ZNF93: variants seen among roughly 807,000 people sequenced by gnomAD.
The protein encoded by ZNF93 is zinc finger protein 93, also known as zinc finger protein 505.
ZNF93 carries 29 observed loss-of-function variants against 45.0 expected under a neutral mutation model. That is an observed-to-expected ratio of 0.64 (90% CI 0.48 to 0.88). ZNF93 has a LOEUF of 0.88. Ranked by LOEUF, ZNF93 falls within the 40% of genes least tolerant of loss-of-function variation. The pLI is 0.00. For missense variants in ZNF93, 578 were observed against 724.0 expected, an observed-to-expected ratio of 0.80 and a Z score of 2.31; for synonymous variants, 223 against 244.6, an observed-to-expected ratio of 0.91 and a Z score of 0.82.
intron 3 of ZNF93, 125 bp from the exon 4 acceptor site, chr19:19,933,057 C>T (rs1236088671): frequency 1.3e-6 from 1 of 755,130 alleles, no homozygotes; most frequent in Non-Finnish European, 1.9e-6. Flanking sequence ...GAAGACATTA[C>T]AGCTTGTGGT....
chr19:19,919,459 CT>C (rs2063336143), intron 3 of ZNF93, among the ~76,000 whole-genome samples: 1 of 148,132 alleles, frequency 6.8e-6, no homozygotes, highest in Non-Finnish European at 1.5e-5. Flanking sequence ...TCCATATGAA[CT>C]TTAAAGTAGT....
At chr19:19,906,137 A>G (rs1237242315) in intron 1 of ZNF93, among the ~76,000 whole-genome samples, 3 of 151,854 alleles carry the variant, frequency 2.0e-5, no homozygotes, top group Non-Finnish European at 4.4e-5. Flanking sequence ...ACTAATTTAC[A>G]CTCCCACCAG....
chr19:19,935,009 A>T lies in ZNF93; in HGVS notation c.*191A>T. The T allele has an allele frequency of 3.4e-6, 2 of 596,772 alleles. No individual in the cohort carries two copies. Among genetic ancestry groups the T allele is most frequent in the Non-Finnish European group, 5.7e-6 (2 of 352,512 alleles). 37.0% of individuals were successfully genotyped at this position (596,772 alleles called of 1,614,324 possible). The stretch of plus-strand genomic sequence containing the variant: ...GGCAGGCCTGCAGACCTTGGCCTTT[A>T]CTACGGTACCTGAAGTGGTTCAATG... On this transcript the variant is annotated 3_prime_UTR_variant, in exon 4 of 4. Transcript: ENST00000343769.
chr19:19,919,029 T>C lies in ZNF93; in HGVS notation c.226+2374T>C, dbSNP rs183829034. ...TTGTTTTAGACGTGAAGTCCTTGCC[T>C]GCCTATGTCCTGAATGGTATTGCCT... On this transcript the variant is annotated intron_variant, in intron 3 of 3. Transcript: ENST00000343769. Among the ~76,000 whole-genome samples the C allele has an allele frequency of 4.6e-5, 7 of 151,994 alleles. No individual in the cohort carries two copies. The East Asian group carries it at 1.4e-3, about 29-fold the overall frequency.
Position 19,901,946 on chromosome 19 carries a change from C to T in ZNF93, c.3+855C>T, listed in dbSNP as rs1385023559. Among the ~76,000 whole-genome samples the T allele has an allele frequency of 3.9e-5, 6 of 152,174 alleles. No individual in the cohort carries two copies. In the East Asian group the frequency reaches 7.7e-4, roughly 20 times the overall value. On this transcript the variant is annotated intron_variant, in intron 1 of 3. Coordinates refer to ENST00000343769, the MANE Select transcript of ZNF93 (RefSeq NM_031218.4). ...CTCTACTAAAAATACAAAAATTAGC[C>T]GGGATTGGTGGCAGGCGTCTGTAAT...
chr19:19,926,789 TATCA>T (rs1296079467), intron 3 of ZNF93, among the ~76,000 whole-genome samples: 13 of 152,178 alleles, frequency 8.5e-5, no homozygotes, highest in South Asian at 4.1e-4. Context: ...TATGCATGTC[TATCA>T]ATCAGATTAT....
intron 2 of ZNF93, among the ~76,000 whole-genome samples, chr19:19,915,648 C>G (rs1452077621): frequency 6.6e-6 from 1 of 152,042 alleles, no homozygotes; most frequent in Non-Finnish European, 1.5e-5. Flanking sequence ...CGAGACCAGC[C>G]TGGCCAACAT....
chr19:19,921,942 C>T (rs2063343568), intron 3 of ZNF93, among the ~76,000 whole-genome samples: 1 of 152,150 alleles, frequency 6.6e-6, no homozygotes, highest in South Asian at 2.1e-4. Context: ...AGCCCATTGA[C>T]ATTTAAGGTT....
chr19:19,916,691 C>G, intron 3 of ZNF93, 36 bp downstream of exon 3: 1 of 1,493,996 alleles, frequency 6.7e-7, no homozygotes, highest in Non-Finnish European at 9.1e-7. Context: ...ACAGACAACA[C>G]AGTAAGAGGT....
chr19:19,903,043 G>C (rs1467421233), intron 1 of ZNF93, among the ~76,000 whole-genome samples: 1 of 152,112 alleles, frequency 6.6e-6, no homozygotes, highest in African/African-American at 2.4e-5. Flanking sequence ...CCGGCCTTTG[G>C]GAGGATCTTA....
chr19:19,915,957 G>A (rs1441427950), intron 2 of ZNF93, among the ~76,000 whole-genome samples: 3 of 152,182 alleles, frequency 2.0e-5, no homozygotes, highest in South Asian at 4.1e-4. Flanking sequence ...ATTTACTGAC[G>A]TAAAATATTG....
intron 3 of ZNF93, among the ~76,000 whole-genome samples, chr19:19,929,811 G>T (rs1442429840): frequency 6.6e-6 from 1 of 150,528 alleles, no homozygotes; most frequent in Non-Finnish European, 1.5e-5. Flanking sequence ...AGTGGCGGGC[G>T]CCTGTAGTCC....
intron 1 of ZNF93, among the ~76,000 whole-genome samples, chr19:19,913,705 G>C (rs949752597): frequency 1.1e-4 from 16 of 152,130 alleles, no homozygotes; most frequent in African/African-American, 3.6e-4. Flanking sequence ...TTTTCTGCCA[G>C]AAGATGTCAT....
In ZNF93 at chr19:19,924,557, G is replaced by C. The variant is rs941706013; in HGVS notation, c.226+7902G>C. On this transcript the variant is annotated intron_variant, in intron 3 of 3. Transcript: ENST00000343769. ...AACCGATTTTTGAAGCATTTCCTCA[G>C]GTAACTGTGTGGGTTTCTTTTTTTC... 2.0e-5 allele frequency among the ~76,000 whole-genome samples: 3 copies of C among 151,556 alleles called. No homozygotes were observed. In the East Asian group the frequency reaches 5.8e-4, roughly 29 times the overall value.
chr19:19,928,259 G>T (rs11881577), intron 3 of ZNF93, among the ~76,000 whole-genome samples: 12,444 of 152,118 alleles, frequency 0.082, 1,077 homozygotes, highest in African/African-American at 0.22. Context: ...ATACAAAATG[G>T]TTCATTTCTG....
intron 3 of ZNF93, among the ~76,000 whole-genome samples, chr19:19,921,414 T>G (rs2063342186): frequency 6.6e-6 from 1 of 152,220 alleles, no homozygotes. Context: ...AGAATGTATA[T>G]TCTGTTGATT....
intron 3 of ZNF93, among the ~76,000 whole-genome samples, chr19:19,930,413 A>T (rs2063370078): frequency 6.6e-6 from 1 of 152,124 alleles, no homozygotes; most frequent in African/African-American, 2.4e-5. Flanking sequence ...GGCCTGACTG[A>T]TGTCAGGCCC....
rs1599575210 is a variant in ZNF93 at position 19,933,926 on chromosome 19, A to C, written c.971A>C (p.Tyr324Ser). The change falls in exon 4 of 4, where the codon TAC (tyrosine) becomes TCC (serine). Residue 324 changes from tyrosine to serine, a missense_variant. By Grantham distance (144) the Tyr-to-Ser change is moderately radical. This residue lies in a region of ZNF93 where 446 missense variants were observed against 547.6 expected (regional missense o/e 0.81). Transcript: ENST00000343769. ...VCEECGKAFK[Y>S]SRILTTHKRI... ...GAAGAATGTGGCAAAGCCTTTAAGT[A>C]CTCCCGTATCCTTACTACACATAAG... 8 of 1,611,786 alleles carry C rather than the reference A, an allele frequency of 5.0e-6. No homozygotes were observed. In the East Asian group the frequency reaches 1.8e-4, roughly 36 times the overall value.
At chr19:19,924,280 G>A (rs1215472171) in intron 3 of ZNF93, among the ~76,000 whole-genome samples, 1 of 152,028 alleles carries the variant, frequency 6.6e-6, no homozygotes, top group African/African-American at 2.4e-5. Flanking sequence ...TAGTAGAGAT[G>A]AGGTTTCACC....
Sources: gnomAD v4.1 joint callset for allele counts (sites outside exome capture counted in the v4.1 genomes callset) on GRCh38, gnomAD v4.1.1 for gene constraint, gnomAD v4.1.1 regional missense constraint, MANE v1.5 for transcripts, NCBI Gene and HGNC (gene_info 2026-07-23, HGNC 2026-07-21) for gene names.